Variants in SMAD4 observed in about 807,000 individuals in gnomAD.
The protein encoded by SMAD4 is SMAD family member 4.
In SMAD4, 7 loss-of-function variants were observed where a neutral mutation model predicts 63.2. The ratio of observed to expected loss-of-function variants is 0.11; its 90% CI spans 0.06 to 0.21. SMAD4 has a LOEUF of 0.21. Ranked by LOEUF, SMAD4 falls within the 10% of genes least tolerant of loss-of-function variation. The probability of loss-of-function intolerance (pLI) is 1.00; values close to 1 mark genes in which losing one functional copy is unlikely to be tolerated. For missense variants in SMAD4, 312 were observed against 693.8 expected (o/e 0.45, Z 6.18); for synonymous variants, 215 against 235.4 (o/e 0.91, Z 0.79).
intron 1 of SMAD4, among the ~76,000 whole-genome samples, chr18:51,038,099 C>G (rs777759670): frequency 6.6e-6 from 1 of 152,006 alleles, no homozygotes; most frequent in African/African-American, 2.4e-5. Context: ...GACCCTGTTT[C>G]TACAATAACA....
At chr18:51,059,037 T>C (rs1439817232) in intron 7 of SMAD4, among the ~76,000 whole-genome samples, 2 of 152,156 alleles carry the variant, frequency 1.3e-5, no homozygotes, top group African/African-American at 4.8e-5. Context: ...TTAGAAAATA[T>C]AGAAAAGTAT....
intron 5 of SMAD4, among the ~76,000 whole-genome samples, chr18:51,056,172 A>G (rs1190758636): frequency 1.3e-5 from 2 of 152,178 alleles, no homozygotes; most frequent in Non-Finnish European, 2.9e-5. Flanking sequence ...GTTGACAAAC[A>G]GTGGGTAGTG....
At chr18:51,055,670 T>C (rs1311961203) in intron 5 of SMAD4, among the ~76,000 whole-genome samples, 1 of 152,160 alleles carries the variant, frequency 6.6e-6, no homozygotes, top group African/African-American at 2.4e-5. Context: ...AAAGGTTTGA[T>C]AGTTTGCTGC....
intron 10 of SMAD4, among the ~76,000 whole-genome samples, chr18:51,073,382 TATATATACACACACAC>T (rs1394770392): frequency 5.7e-5 from 5 of 88,112 alleles, no homozygotes; most frequent in African/African-American, 1.7e-4. Flanking sequence ...TATATATATA[TATATATACACACACAC>T]ACACACACAC....
chr18:51,046,956 A>T lies in SMAD4; in HGVS notation c.-91A>T, dbSNP rs963833176. On this transcript the variant is annotated 5_prime_UTR_variant, in exon 2 of 12. Transcript: ENST00000342988. ...TACATGTCTAACAATTTTCCTTGCA[A>T]CGTTAGCTGTTGTTTTTCACTGTTT... 8.5e-7 allele frequency: 1 copy of T among 1,171,406 alleles called. No homozygotes were observed. Among genetic ancestry groups the T allele is most frequent in the Non-Finnish European group, 1.3e-6 (1 of 789,444 alleles). 72.6% of individuals were successfully genotyped at this position (1,171,406 alleles called of 1,614,324 possible). A position where few individuals can be genotyped will look rare whatever the true frequency, so the allele number is the denominator to read the frequency against.
At chr18:51,066,588 G>A (rs995971976) in intron 9 of SMAD4, among the ~76,000 whole-genome samples, 4 of 152,068 alleles carry the variant, frequency 2.6e-5, no homozygotes, top group East Asian at 1.9e-4. Context: ...TGTCCAGTTC[G>A]GTAGCCACTA....
rs1191804845 is a variant in SMAD4 at position 51,049,296 on chromosome 18, T to C, written c.426T>C (p.Asp142=). The C allele has an allele frequency of 1.3e-6, 2 of 1,585,460 alleles. No individual in the cohort carries two copies. The highest frequency in any genetic ancestry group is 2.2e-5 in the South Asian group (2 of 90,478). ...TGTTTTCCCCTTTAAACAATTAAGA[T>C]CTCTCAGGATTAACACTGCAGAGTA... ...HYERVVSPGI[D]LSGLTLQSNA... is the part of the protein sequence containing the mutation. The change falls in exon 4 of 12, where the codon GAT becomes GAC. Residue 142 remains aspartate, a splice_region_variant and synonymous_variant. Transcript: ENST00000342988.
At chr18:51,049,380 T>A in intron 4 of SMAD4, 56 bp downstream of exon 4, 1 of 1,341,308 alleles carries the variant, frequency 7.5e-7, no homozygotes, top group African/African-American at 1.4e-5. Flanking sequence ...CTCTCTGTTT[T>A]TTTGTTGACC....
intron 10 of SMAD4, among the ~76,000 whole-genome samples, chr18:51,073,388 T>TATACACACAC (rs1417299090): frequency 7.8e-5 from 5 of 64,158 alleles, no homozygotes; most frequent in African/African-American, 7.6e-5. Context: ...TATATATATA[T>TATACACACAC]ACACACACAC....
rs3220198 is a variant in SMAD4 at position 51,084,043 on chromosome 18, C to CACAG, written c.*5577_*5578insCAGA. The CACAG allele has an allele frequency of 8.8e-6, 2 of 226,568 alleles. No homozygotes were observed. Among genetic ancestry groups the CACAG allele is most frequent in the East Asian group, 6.3e-5 (1 of 15,986 alleles). The allele number at this position is 226,568 out of a possible 1,614,324, so 14.0% of individuals were successfully genotyped here. A position where few individuals can be genotyped will look rare whatever the true frequency, so the allele number is the denominator to read the frequency against. The stretch of plus-strand genomic sequence containing the variant: ...ACACACACACACACACACACACACA[C>CACAG]AGGTCAGAGTTTAAGGCTTTCGAGT... On this transcript the variant is annotated 3_prime_UTR_variant, in exon 12 of 12. Transcript: ENST00000342988.
chr18:51,035,266 G>T (rs1031552865), intron 1 of SMAD4, among the ~76,000 whole-genome samples: 18 of 152,252 alleles, frequency 1.2e-4, no homozygotes, highest in Admixed American at 3.9e-4. Flanking sequence ...ATGATGAGAA[G>T]TTAGTATATC....
chr18:51,074,824 G>A (rs1599202898), intron 10 of SMAD4, among the ~76,000 whole-genome samples: 1 of 152,234 alleles, frequency 6.6e-6, no homozygotes, highest in East Asian at 1.9e-4. Context: ...GGAAGTAGTG[G>A]TTTCACTTCT....
At chr18:51,045,979 G>A (rs1568202580) in intron 1 of SMAD4, among the ~76,000 whole-genome samples, 1 of 151,916 alleles carries the variant, frequency 6.6e-6, no homozygotes, top group South Asian at 2.1e-4. Context: ...TCTTTTTTAT[G>A]GTTGAATAAT....
In SMAD4 at chr18:51,078,590, A is replaced by G; in HGVS notation, c.*123A>G. 1 of 772,542 alleles carries G rather than the reference A, an allele frequency of 1.3e-6. No homozygotes were observed. Among genetic ancestry groups the G allele is most frequent in the Non-Finnish European group, 2.1e-6 (1 of 484,594 alleles). The allele number at this position is 772,542 out of a possible 1,614,324, so 47.9% of individuals were successfully genotyped here. A position where few individuals can be genotyped will look rare whatever the true frequency, so the allele number is the denominator to read the frequency against. On this transcript the variant is annotated 3_prime_UTR_variant, in exon 12 of 12. Transcript: ENST00000342988. ...TTTATCTTTTCATAAAGGGTTGAAA[A>G]TGTGTTTGCTGCCTTGCTCCTAGCA...
At chr18:51,038,232 A>G (rs145047320) in intron 1 of SMAD4, among the ~76,000 whole-genome samples, 1 of 135,388 alleles carries the variant, frequency 7.4e-6, no homozygotes, top group Non-Finnish European at 1.6e-5. Context: ...ACTCGGGCCT[A>G]GGCTACAGAG....
In SMAD4 at chr18:51,084,399, C is replaced by T. The variant is rs1451783910; in HGVS notation, c.*5932C>T. The T allele has an allele frequency of 4.5e-6, 1 of 221,660 alleles. No individual in the cohort carries two copies. The highest frequency in any genetic ancestry group is 2.3e-5 in the African/African-American group (1 of 44,426). 13.7% of individuals were successfully genotyped at this position (221,660 alleles called of 1,614,324 possible). The stretch of plus-strand genomic sequence containing the variant: ...TTTTAGGTCCATTTTGATTAAGTGA[C>T]TTTTGGCTGGATCATTCAGAGCTCT... On this transcript the variant is annotated 3_prime_UTR_variant, in exon 12 of 12. Transcript: ENST00000342988.
intron 1 of SMAD4, among the ~76,000 whole-genome samples, chr18:51,042,636 T>G (rs1909422653): frequency 6.6e-6 from 1 of 152,128 alleles, no homozygotes; most frequent in Middle Eastern, 3.2e-3. Context: ...GCTTAAGTGA[T>G]CCAACCATGT....
chr18:51,042,993 C>T (rs1195199978), intron 1 of SMAD4, among the ~76,000 whole-genome samples: 1 of 152,190 alleles, frequency 6.6e-6, no homozygotes, highest in African/African-American at 2.4e-5. Flanking sequence ...TATATAAGTG[C>T]TAGCATCTAA....
intron 5 of SMAD4, among the ~76,000 whole-genome samples, chr18:51,055,609 T>C (rs139987615): frequency 0.029 from 4,390 of 152,216 alleles, 97 homozygotes; most frequent in Middle Eastern, 0.048. Context: ...GTTCAGGTTT[T>C]TGGGGGCATG....
Sources: gnomAD v4.1 joint callset for allele counts (sites outside exome capture counted in the v4.1 genomes callset) on GRCh38, gnomAD v4.1.1 for gene constraint, MANE v1.5 for transcripts, NCBI Gene and HGNC (gene_info 2026-07-23, HGNC 2026-07-21) for gene names.